Variants in CCDC158 observed in about 807,000 individuals in gnomAD.
CCDC158 encodes coiled-coil domain containing 158.
A neutral mutation model predicts 138.6 loss-of-function variants in CCDC158; 116 were observed. The observed-to-expected ratio is 0.84, with a 90% CI of 0.72 to 0.98. The LOEUF is 0.98. Among genes scored for constraint, CCDC158 ranks in the 50% least tolerant of loss-of-function variants. The pLI is 0.00. For missense variants in CCDC158, 1,265 were observed against 1,306.1 expected, an observed-to-expected ratio of 0.97 and a Z score of 0.48; for synonymous variants, 436 against 442.4, an observed-to-expected ratio of 0.99 and a Z score of 0.18.
chr4:76,373,861 T>C (rs1246195717), intron 9 of CCDC158, among the ~76,000 whole-genome samples: 2 of 152,244 alleles, frequency 1.3e-5, no homozygotes, highest in African/African-American at 2.4e-5. Flanking sequence ...ATTAGATCAC[T>C]GTCTAAAATG....
intron 16 of CCDC158, chr4:76,352,251 A>G (rs979631626): frequency 6.5e-6 from 1 of 153,116 alleles, no homozygotes; most frequent in African/African-American, 2.4e-5. Context: ...TACTAAAAAT[A>G]CAAAAATTAA....
At chr4:76,313,422 T>C (rs1719076321) in intron 24 of CCDC158, among the ~76,000 whole-genome samples, 176 bp from the exon 25 acceptor site, 1 of 152,202 alleles carries the variant, frequency 6.6e-6, no homozygotes. Context: ...GGAAGAGAGC[T>C]AAGGGTAAAT....
intron 9 of CCDC158, among the ~76,000 whole-genome samples, chr4:76,376,444 T>C (rs1026235982): frequency 6.6e-6 from 1 of 152,216 alleles, no homozygotes; most frequent in African/African-American, 2.4e-5. Context: ...TGGTATATAC[T>C]GAAATATGCA....
chr4:76,384,676 A>G lies in CCDC158; in HGVS notation c.289-11T>C. The G allele has an allele frequency of 6.3e-7, 1 of 1,579,802 alleles. No individual in the cohort carries two copies. The highest frequency in any genetic ancestry group is 8.7e-7 in the Non-Finnish European group (1 of 1,152,450). ...ATGCAATTCATTGCTCTGAAAAAAA[A>G]AGCCATGCAAATTAATCTTCATTAG... On this transcript the variant is annotated splice_polypyrimidine_tract_variant and intron_variant, in intron 4 of 24. Transcript: ENST00000682701.
intron 1 of CCDC158, chr4:76,414,374 T>G (rs983066764): frequency 6.6e-6 from 1 of 152,220 alleles, no homozygotes; most frequent in Non-Finnish European, 1.5e-5. Flanking sequence ...TCTGTTAAGT[T>G]TAAAATCAAG....
intron 18 of CCDC158, among the ~76,000 whole-genome samples, chr4:76,341,621 C>T (rs1487486111): frequency 1.3e-5 from 2 of 152,102 alleles, no homozygotes; most frequent in Non-Finnish European, 2.9e-5. Context: ...TATTTTATTT[C>T]TTATGTTAAA....
In CCDC158 at chr4:76,384,284, T is replaced by C. The variant is rs771188916; in HGVS notation, c.530A>G (p.Lys177Arg). ...CACTCCCTCATGACTAAGCATCATT[T>C]TTCGTAGTTGCTCTATCTGTGTGTT... The part of the protein sequence containing the change: ...DSNTQIEQLR[K>R]MMLSHEGVLQ... The change falls in exon 6 of 25, where the codon AAA becomes AGA. Residue 177 changes from lysine to arginine, a missense_variant. Lys to Arg is a conservative substitution (Grantham distance 26, BLOSUM62 2). Transcript: ENST00000682701. 6.2e-7 allele frequency: 1 copy of C among 1,614,188 alleles called. No individual in the cohort carries two copies. Among genetic ancestry groups the C allele is most frequent in the Non-Finnish European group, 8.5e-7 (1 of 1,180,018 alleles).
At chr4:76,316,901 A>C (rs951320305) in intron 24 of CCDC158, among the ~76,000 whole-genome samples, 49 of 24,034 alleles carry the variant, frequency 2.0e-3, no homozygotes, top group Non-Finnish European at 3.2e-3. Context: ...TTTTGCAGAC[A>C]AAAAAAAAAA....
intron 20 of CCDC158, 136 bp from the exon 21 acceptor site, chr4:76,331,539 C>G: frequency 1.5e-6 from 1 of 683,084 alleles, no homozygotes; most frequent in Non-Finnish European, 2.6e-6. Flanking sequence ...ATAAATAAAT[C>G]ATAAACATTA....
chr4:76,357,991 G>A (rs199742942), intron 13 of CCDC158, among the ~76,000 whole-genome samples: 11 of 148,668 alleles, frequency 7.4e-5, no homozygotes, highest in African/African-American at 2.3e-4. Context: ...ACACATGTGT[G>A]CACACACACA....
At chr4:76,320,220 G>A (rs1045351661) in intron 24 of CCDC158, among the ~76,000 whole-genome samples, 1 of 152,106 alleles carries the variant, frequency 6.6e-6, no homozygotes, top group Non-Finnish European at 1.5e-5. Context: ...AAATACTTGG[G>A]AATATACCTA....
chr4:76,376,227 A>T (rs1287480835), intron 9 of CCDC158, among the ~76,000 whole-genome samples: 1 of 151,764 alleles, frequency 6.6e-6, no homozygotes, highest in Non-Finnish European at 1.5e-5. Flanking sequence ...CTAACTTTTT[A>T]TTTTTGTTTT....
chr4:76,369,425 C>T lies in CCDC158; in HGVS notation c.1347+1G>A. On this transcript the variant is annotated splice_donor_variant, in intron 11 of 24. Transcript: ENST00000682701. LOFTEE classifies it high-confidence loss of function. ...ATGGCACAGCCTGTGCAGGCACTGA[C>T]CTGCCGCTCCATCTGGCCCTGACAC... 6.2e-7 allele frequency: 1 copy of T among 1,613,926 alleles called. No homozygotes were observed. The highest frequency in any genetic ancestry group is 8.5e-7 in the Non-Finnish European group (1 of 1,179,974).
intron 2 of CCDC158, among the ~76,000 whole-genome samples, chr4:76,406,057 T>C (rs547673475): frequency 6.6e-6 from 1 of 152,126 alleles, no homozygotes; most frequent in African/African-American, 2.4e-5. Flanking sequence ...GATTTTCAAA[T>C]TGACTTTAAA....
chr4:76,362,646 C>T (rs534805217), intron 12 of CCDC158, among the ~76,000 whole-genome samples: 1 of 152,166 alleles, frequency 6.6e-6, no homozygotes, highest in Admixed American at 6.5e-5. Flanking sequence ...TATTAAGAAC[C>T]TTCTTTGTGG....
intron 8 of CCDC158, among the ~76,000 whole-genome samples, chr4:76,381,365 A>C (rs1484627097): frequency 6.6e-6 from 1 of 152,234 alleles, no homozygotes; most frequent in Non-Finnish European, 1.5e-5. Flanking sequence ...CCTGCCTTGC[A>C]TCAGTGTGCC....
intron 18 of CCDC158, among the ~76,000 whole-genome samples, chr4:76,337,490 G>A (rs546504116): frequency 5.9e-5 from 9 of 152,180 alleles, no homozygotes; most frequent in South Asian, 2.1e-4. Context: ...CTAGCACTCC[G>A]GGAGGCCAAG....
chr4:76,414,591 C>A (rs1023079035), intron 1 of CCDC158, among the ~76,000 whole-genome samples: 4 of 152,162 alleles, frequency 2.6e-5, no homozygotes, highest in Non-Finnish European at 4.4e-5. Flanking sequence ...AACAGTATCT[C>A]CCAGAATTCC....
intron 3 of CCDC158, 144 bp downstream of exon 3, chr4:76,402,994 G>C (rs182467832): frequency 3.2e-4 from 194 of 598,216 alleles, no homozygotes; most frequent in Non-Finnish European, 5.1e-4. Flanking sequence ...TCAAAAAGTA[G>C]AATTATAAAC....
Sources: gnomAD v4.1 joint callset for allele counts (sites outside exome capture counted in the v4.1 genomes callset) on GRCh38, gnomAD v4.1.1 for gene constraint, MANE v1.5 for transcripts, NCBI Gene and HGNC (gene_info 2026-07-23, HGNC 2026-07-21) for gene names.